The following CNTLN variants were observed in gnomAD, a reference collection of about 807,000 sequenced individuals.
The protein encoded by CNTLN is centlein.
Under a neutral mutation model 180.0 loss-of-function variants are expected in CNTLN, and 212 were observed. That is an observed-to-expected ratio of 1.18 (90% confidence interval 1.05 to 1.32). The LOEUF (loss-of-function observed/expected upper bound fraction) is 1.32. Among genes scored for constraint, CNTLN ranks in the 40% most tolerant of loss-of-function variants. CNTLN has a pLI of 0.00. For synonymous variants in CNTLN, 722 were observed against 563.1 expected, an observed-to-expected ratio of 1.28 and a Z score of -3.99; for missense variants, 2,095 against 1,610.9, an observed-to-expected ratio of 1.30 and a Z score of -5.14.
intron 6 of CNTLN, among the ~76,000 whole-genome samples, chr9:17,289,584 G>A (rs1209491202): frequency 7.5e-6 from 1 of 133,246 alleles, no homozygotes; most frequent in Non-Finnish European, 1.6e-5. Flanking sequence ...AGTTCTCCTG[G>A]ATAATATCCT....
intron 18 of CNTLN, among the ~76,000 whole-genome samples, chr9:17,428,296 G>GATA (rs138346089): frequency 0.042 from 6,441 of 152,130 alleles, 339 homozygotes; most frequent in East Asian, 0.25. Flanking sequence ...GACAGATTAT[G>GATA]ATAATAATAA....
intron 1 of CNTLN, among the ~76,000 whole-genome samples, chr9:17,142,105 A>G (rs920670622): frequency 6.6e-6 from 1 of 150,688 alleles, no homozygotes; most frequent in Non-Finnish European, 1.5e-5. Flanking sequence ...AAAAAAAAAG[A>G]AGAATAAACA....
chr9:17,400,115 C>G (rs1346788415), intron 15 of CNTLN, among the ~76,000 whole-genome samples: 1 of 151,978 alleles, frequency 6.6e-6, no homozygotes, highest in Non-Finnish European at 1.5e-5. Flanking sequence ...TATTTTTTCT[C>G]CCCAACACAA....
Position 17,226,270 on chromosome 9 carries a change from A to C in CNTLN, c.517A>C (p.Ile173Leu), listed in dbSNP as rs1824457770. The C allele has an allele frequency of 6.4e-7, 1 of 1,571,280 alleles. No homozygotes were observed. Residue 173 changes from isoleucine to leucine, a missense_variant, in exon 3 of 26, where the codon ATA (isoleucine) becomes CTA (leucine). Coordinates refer to ENST00000380647, the MANE Select transcript of CNTLN (RefSeq NM_017738.4). ...LEILQVKDAKIQEFEQRESVL... is the reference protein window; with the variant it reads ...LEILQVKDAKLQEFEQRESVL... ...AATTCTGCAAGTCAAGGATGCCAAA[A>C]TACAAGAATTTGAACAGGTTGGTGT...
chr9:17,406,729 TC>T (rs1490228389), intron 15 of CNTLN, among the ~76,000 whole-genome samples: 1 of 151,840 alleles, frequency 6.6e-6, no homozygotes, highest in Non-Finnish European at 1.5e-5. Context: ...AATTTGTTCA[TC>T]AATTCTTTCA....
At chr9:17,410,675 T>C (rs1723878869) in intron 16 of CNTLN, among the ~76,000 whole-genome samples, 1 of 152,168 alleles carries the variant, frequency 6.6e-6, no homozygotes, top group South Asian at 2.1e-4. Context: ...TCTGATTTCC[T>C]ATATTTTTCT....
Position 17,164,828 on chromosome 9 carries a change from T to C in CNTLN, c.449+21452T>C, listed in dbSNP as rs1249027015. ...ATTCTTAGAACATTTTTCTTTTTTT[T>C]TCTTTCTTTCTTTTTTTTTTTTTTT... On this transcript the variant is annotated intron_variant, in intron 2 of 25. Coordinates refer to ENST00000380647, the MANE Select transcript of CNTLN (RefSeq NM_017738.4). Among the ~76,000 whole-genome samples, 6 of 150,568 alleles carry C rather than the reference T, an allele frequency of 4.0e-5. No individual in the cohort carries two copies. In the South Asian group the frequency reaches 8.4e-4, roughly 21 times the overall value.
intron 13 of CNTLN, among the ~76,000 whole-genome samples, chr9:17,368,335 G>C (rs1470332012): frequency 1.3e-5 from 2 of 152,164 alleles, no homozygotes; most frequent in African/African-American, 4.8e-5. Context: ...CAGTGGACTA[G>C]AACACCAGGT....
intron 12 of CNTLN, among the ~76,000 whole-genome samples, chr9:17,365,018 T>TCTC (rs1823695996): frequency 6.6e-6 from 1 of 152,192 alleles, no homozygotes; most frequent in South Asian, 2.1e-4. Flanking sequence ...TCTCCCAGTT[T>TCTC]CCTGTCGTTA....
At chr9:17,199,299 C>T (rs1420178308) in intron 2 of CNTLN, among the ~76,000 whole-genome samples, 1 of 149,178 alleles carries the variant, frequency 6.7e-6, no homozygotes, top group Non-Finnish European at 1.5e-5. Flanking sequence ...GCAACCTCTG[C>T]CTCCCGGGTT....
chr9:17,164,545 A>G (rs1586972035), intron 2 of CNTLN, among the ~76,000 whole-genome samples: 1 of 127,222 alleles, frequency 7.9e-6, no homozygotes, highest in African/African-American at 3.1e-5. Context: ...GCTCACTGTG[A>G]CCTCTGCCTC....
chr9:17,275,811 C>T (rs1391188697), intron 6 of CNTLN, among the ~76,000 whole-genome samples: 3 of 152,022 alleles, frequency 2.0e-5, no homozygotes, highest in Non-Finnish European at 4.4e-5. Context: ...GCTAGTGGGC[C>T]ATGTGTAATT....
chr9:17,380,305 A>T (rs900207824), intron 13 of CNTLN, among the ~76,000 whole-genome samples: 1 of 152,162 alleles, frequency 6.6e-6, no homozygotes, highest in Non-Finnish European at 1.5e-5. Flanking sequence ...GAACGAGGAC[A>T]AGTATCTTCA....
rs762920254 is a variant in CNTLN, at chr9:17,272,034, CCTT to C, written c.850-1698_850-1696del. On this transcript the variant is annotated intron_variant, in intron 5 of 25. Transcript: ENST00000380647. ...TGTCCCCTCCCTCCCTCCCTTCCTT[CCTT>C]TTTTCCTTCCTTCCTTCCTCTCTCT... 7.3e-4 allele frequency among the ~76,000 whole-genome samples: 96 copies of C among 131,028 alleles called. 2 individuals carry two copies. The East Asian group carries it at 0.025, about 34-fold the overall frequency. The allele number at this position is 131,028 out of a possible 152,430, so 86.0% of individuals were successfully genotyped here. A position where few individuals can be genotyped will look rare whatever the true frequency, so the allele number is the denominator to read the frequency against.
intron 2 of CNTLN, among the ~76,000 whole-genome samples, chr9:17,155,214 G>C (rs908527051): frequency 1.3e-5 from 2 of 152,192 alleles, no homozygotes; most frequent in African/African-American, 4.8e-5. Context: ...CACCGCGAGG[G>C]TCCGCAGCTT....
chr9:17,285,264 T>C (rs1304604455), intron 6 of CNTLN, among the ~76,000 whole-genome samples: 4 of 150,438 alleles, frequency 2.7e-5, no homozygotes, highest in African/African-American at 7.3e-5. Context: ...GTTTGGTTTT[T>C]TGTTCTTGTG....
chr9:17,475,869 T>C (rs2134263433), intron 23 of CNTLN, among the ~76,000 whole-genome samples: 1 of 48,926 alleles, frequency 2.0e-5, no homozygotes, highest in Non-Finnish European at 6.5e-5. Context: ...CAAGACTCTC[T>C]CTCAAAAAAA....
Position 17,180,118 on chromosome 9 carries a change from G to T in CNTLN, c.449+36742G>T, listed in dbSNP as rs866176937. On this transcript the variant is annotated intron_variant, in intron 2 of 25. Transcript: ENST00000380647. Reference sequence around the variant, plus strand: ...TGCATCATATTTTAAAATCTACTCTGTTGAGCACTTTTGATTTGTATATTT... The same window carrying T: ...TGCATCATATTTTAAAATCTACTCTTTTGAGCACTTTTGATTTGTATATTT... Among the ~76,000 whole-genome samples, 21 of 150,642 alleles carry T rather than the reference G, an allele frequency of 1.4e-4. 1 individual carries two copies. The highest frequency in any genetic ancestry group is 8.3e-4 in the South Asian group (4 of 4,796).
At chr9:17,366,887 A>G (rs1375559519) in intron 13 of CNTLN, among the ~76,000 whole-genome samples, 170 bp downstream of exon 13, 1 of 152,188 alleles carries the variant, frequency 6.6e-6, no homozygotes, top group Admixed American at 6.5e-5. Flanking sequence ...AATAAATAGA[A>G]CATCTAAAAG....
Sources: allele counts gnomAD v4.1 joint callset (sites outside exome capture counted in the v4.1 genomes callset), GRCh38; gene constraint gnomAD v4.1.1; transcripts MANE v1.5; gene names NCBI Gene and HGNC (gene_info 2026-07-23, HGNC 2026-07-21).